Variants in HHAT observed in about 807,000 individuals in gnomAD.
The protein encoded by HHAT is hedgehog acyltransferase.
In HHAT, 47 loss-of-function variants were observed where a neutral mutation model predicts 70.8. The ratio of observed to expected loss-of-function variants is 0.66; its 90% CI spans 0.53 to 0.85. The LOEUF is 0.85. Among genes scored for constraint, HHAT ranks in the 40% least tolerant of loss-of-function variants. The pLI, the probability that HHAT is intolerant of heterozygous loss-of-function variation, is 0.00. For missense variants in HHAT, 609 were observed against 604.8 expected, an observed-to-expected ratio of 1.01 and a Z score of -0.07; for synonymous variants, 228 against 247.6, an observed-to-expected ratio of 0.92 and a Z score of 0.74.
At chr1:210,618,012 G>A (rs1381474759) in intron 10 of HHAT, among the ~76,000 whole-genome samples, 1 of 152,210 alleles carries the variant, frequency 6.6e-6, no homozygotes, top group Non-Finnish European at 1.5e-5. Flanking sequence ...CATAGGATAT[G>A]CGTGGTTCTT....
intron 8 of HHAT, among the ~76,000 whole-genome samples, chr1:210,496,229 G>T (rs1435720829): frequency 6.6e-6 from 1 of 152,064 alleles, no homozygotes; most frequent in South Asian, 2.1e-4. Context: ...GCCTCGCTGG[G>T]CTGATCCTCT....
intron 11 of HHAT, among the ~76,000 whole-genome samples, chr1:210,670,622 TG>T: frequency 6.6e-6 from 1 of 152,278 alleles, no homozygotes; most frequent in South Asian, 2.1e-4. Flanking sequence ...ATGATGATTC[TG>T]TCATCACAAA....
chr1:210,564,655 G>A (rs1181091607), intron 9 of HHAT, among the ~76,000 whole-genome samples: 1 of 152,188 alleles, frequency 6.6e-6, no homozygotes, highest in South Asian at 2.1e-4. Flanking sequence ...GTACAGTAGT[G>A]GTAAGACATA....
chr1:210,576,175 A>G (rs1351487382), intron 9 of HHAT, among the ~76,000 whole-genome samples: 1 of 152,142 alleles, frequency 6.6e-6, no homozygotes, highest in Non-Finnish European at 1.5e-5. Flanking sequence ...GGTTTTAAGT[A>G]AAGAACATCC....
intron 10 of HHAT, among the ~76,000 whole-genome samples, chr1:210,599,564 T>C (rs1663778001): frequency 6.6e-6 from 1 of 152,144 alleles, no homozygotes; most frequent in Non-Finnish European, 1.5e-5. Context: ...CCTTTGTACC[T>C]CTCTCCCCCT....
chr1:210,537,683 C>A (rs548651852), intron 9 of HHAT, among the ~76,000 whole-genome samples: 1 of 152,240 alleles, frequency 6.6e-6, no homozygotes, highest in South Asian at 2.1e-4. Context: ...GGAAAATGTA[C>A]CCTGAAGGAA....
intron 10 of HHAT, 93 bp from the exon 11 acceptor site, chr1:210,623,433 G>A (rs763196464): frequency 5.7e-5 from 82 of 1,447,820 alleles, no homozygotes; most frequent in Non-Finnish European, 6.3e-5. Flanking sequence ...GTGGGGAGGC[G>A]TCCTGGGCTG....
chr1:210,563,694 T>C (rs903929068), intron 9 of HHAT, among the ~76,000 whole-genome samples: 12 of 152,172 alleles, frequency 7.9e-5, no homozygotes, highest in Non-Finnish European at 4.4e-5. Context: ...GATACTTCTC[T>C]GATATTTTCC....
At chr1:210,644,850 G>T (rs976866348) in intron 11 of HHAT, among the ~76,000 whole-genome samples, 45 of 152,118 alleles carry the variant, frequency 3.0e-4, no homozygotes, top group African/African-American at 1.0e-3. Flanking sequence ...AAGACCTGGG[G>T]CACTCCGGGA....
intron 10 of HHAT, among the ~76,000 whole-genome samples, chr1:210,602,970 C>T (rs145582703): frequency 3.6e-4 from 55 of 152,230 alleles, no homozygotes; most frequent in African/African-American, 1.3e-3. Context: ...TTTAGTATGG[C>T]GAAAGCATTT....
chr1:210,344,015 C>T (rs1415677877), intron 1 of HHAT, among the ~76,000 whole-genome samples: 5 of 152,172 alleles, frequency 3.3e-5, no homozygotes, highest in African/African-American at 1.2e-4. Context: ...GTTATCTACC[C>T]GTTTCCTTAA....
At chr1:210,488,713 T>C (rs1036376218) in intron 8 of HHAT, among the ~76,000 whole-genome samples, 2 of 151,824 alleles carry the variant, frequency 1.3e-5, no homozygotes, top group Non-Finnish European at 2.9e-5. Flanking sequence ...GGCAATACAG[T>C]GAGACCTTGT....
chr1:210,355,494 T>C (rs969808751), intron 2 of HHAT, among the ~76,000 whole-genome samples: 10 of 152,266 alleles, frequency 6.6e-5, no homozygotes, highest in African/African-American at 2.4e-4. Context: ...GACCTATTGA[T>C]ACTATATTTT....
intron 2 of HHAT, among the ~76,000 whole-genome samples, chr1:210,356,094 A>ATT (rs11449276): frequency 0.029 from 4,032 of 139,966 alleles, 176 homozygotes; most frequent in African/African-American, 0.096. Context: ...TTGCTTGGCT[A>ATT]TTTTTTTTTT....
chr1:210,364,164 A>G lies in HHAT; in HGVS notation c.159+1245A>G, dbSNP rs1368778945. 2.6e-5 allele frequency among the ~76,000 whole-genome samples: 4 copies of G among 152,318 alleles called. No individual in the cohort carries two copies. In the South Asian group the frequency reaches 8.3e-4, roughly 32 times the overall value. ...GTCGCTCTACCCACCAGATGCTTCCATGAAAACTTAGATGTAAATTGAATT... is the reference window on the plus strand; with the variant it reads ...GTCGCTCTACCCACCAGATGCTTCCGTGAAAACTTAGATGTAAATTGAATT... On this transcript the variant is annotated intron_variant, in intron 3 of 11. Transcript: ENST00000261458.
At position 210,409,517 on chromosome 1, in the gene HHAT, T is replaced by G. The variant is rs372887772; in HGVS notation, c.684+4838T>G. On this transcript the variant is annotated intron_variant, in intron 6 of 11. Transcript: ENST00000261458. ...AATGTGGGTCTGATTAGGGAATGAT[T>G]TGTTAGGAGTAGGGGTATGGTCTGT... Among the ~76,000 whole-genome samples, 238 of 152,080 alleles carry G rather than the reference T, an allele frequency of 1.6e-3. 2 individuals carry two copies. The highest frequency in any genetic ancestry group is 5.3e-3 in the African/African-American group (221 of 41,462).
At chr1:210,507,359 C>CTTTTTTTTTTTTTTT (rs927392992) in intron 8 of HHAT, among the ~76,000 whole-genome samples, 4 of 122,526 alleles carry the variant, frequency 3.3e-5, no homozygotes, top group South Asian at 2.8e-4. Context: ...TTTCTTTTTT[C>CTTTTTTTTTTTTTTT]TTTTTTTTTT....
At chr1:210,344,892 TCATCGGAACAAGTCATGCCGG>T (rs11273573) in intron 1 of HHAT, among the ~76,000 whole-genome samples, 114,412 of 151,270 alleles carry the variant, frequency 0.76, 44,460 homozygotes, top group African/African-American at 0.94. Context: ...TCAAGACGAG[TCATCGGAACAAGTCATGCCGG>T]CATCGGAACA....
chr1:210,408,959 T>C (rs2092433403), intron 6 of HHAT, among the ~76,000 whole-genome samples: 1 of 152,204 alleles, frequency 6.6e-6, no homozygotes, highest in Non-Finnish European at 1.5e-5. Flanking sequence ...CCTCCCGAGC[T>C]CAAGTGATCC....
Sources: gnomAD v4.1 joint callset for allele counts (sites outside exome capture counted in the v4.1 genomes callset) on GRCh38, gnomAD v4.1.1 for gene constraint, MANE v1.5 for transcripts, NCBI Gene and HGNC (gene_info 2026-07-23, HGNC 2026-07-21) for gene names.